BRSK1: variants seen among roughly 807,000 people sequenced by gnomAD.
BRSK1 encodes the protein BR serine/threonine kinase 1, also known as serine/threonine-protein kinase BRSK1.
A neutral mutation model predicts 86.2 loss-of-function variants in BRSK1; 17 were observed. That is an observed-to-expected ratio of 0.20 (90% CI 0.14 to 0.30). The LOEUF is 0.30. Ranked by LOEUF, BRSK1 falls within the 10% of genes least tolerant of loss-of-function variation. The pLI, the probability that BRSK1 is intolerant of heterozygous loss-of-function variation, is 1.00. For missense variants in BRSK1, 719 were observed against 1,071.9 expected, an observed-to-expected ratio of 0.67 and a Z score of 4.60; for synonymous variants, 464 against 440.1, an observed-to-expected ratio of 1.05 and a Z score of -0.68.
chr19:55,298,918 G>A (rs1056115782), intron 7 of BRSK1, among the ~76,000 whole-genome samples: 5 of 152,164 alleles, frequency 3.3e-5, no homozygotes, highest in Non-Finnish European at 7.3e-5. Context: ...TGAGTTCCGC[G>A]TCAATGACAC....
chr19:55,284,212 C>G lies in BRSK1; in HGVS notation c.-231C>G. On this transcript the variant is annotated 5_prime_UTR_variant, in exon 1 of 19. Transcript: ENST00000309383. ...TGGGGAGGGGGGGCCCCGCAGCCCC[C>G]CTGGGCCATGCTGACTCCCGGGGCC... The G allele has an allele frequency of 1.4e-6, 1 of 711,450 alleles. No homozygotes were observed. The highest frequency in any genetic ancestry group is 1.9e-6 in the Non-Finnish European group (1 of 515,370). The allele number at this position is 711,450 out of a possible 1,614,324, so 44.1% of individuals were successfully genotyped here. A position where few individuals can be genotyped will look rare whatever the true frequency, so the allele number is the denominator to read the frequency against.
chr19:55,294,447 G>A lies in BRSK1; in HGVS notation c.678+50G>A, dbSNP rs754836262. 39 of 1,594,108 alleles carry A rather than the reference G, an allele frequency of 2.4e-5. No individual in the cohort carries two copies. In the African/African-American group the frequency reaches 3.5e-4, roughly 14 times the overall value. On this transcript the variant is annotated intron_variant, in intron 7 of 18. Transcript: ENST00000309383. The surrounding 1 kb of genome is among the most constrained non-coding windows in gnomAD (Gnocchi z 4.9). Reference sequence around the variant, plus strand: ...CATTTCTAGATCAATCCCACCTGGTGGGAGCATAGGACAGTACCTTCCATC... The same window carrying A: ...CATTTCTAGATCAATCCCACCTGGTAGGAGCATAGGACAGTACCTTCCATC...
At position 55,306,374 on chromosome 19, in the gene BRSK1, G is replaced by A; in HGVS notation, c.2013G>A (p.Glu671=). Residue 671 remains glutamate, a synonymous_variant, in exon 17 of 19, where the codon GAG becomes GAA. Coordinates refer to ENST00000309383, the MANE Select transcript of BRSK1 (RefSeq NM_032430.2). This position sits in a 1 kb window ranked among gnomAD's most constrained non-coding sequence, Gnocchi z 4.7. ...VRFQVDISSS[E]GPEPSPRRDG... is the part of the protein sequence containing the mutation. ...TCCAGGTGGACATCAGCTCCTCTGA[G>A]GGTCCAGAGCCCTCCCCGCGACGGG... is the stretch of plus-strand genomic sequence containing the variant. 1 of 1,614,066 alleles carries A rather than the reference G, an allele frequency of 6.2e-7. No individual in the cohort carries two copies. The highest frequency in any genetic ancestry group is 8.5e-7 in the Non-Finnish European group (1 of 1,180,038).
chr19:55,310,618 G>A lies in BRSK1; in HGVS notation c.2180-1293G>A, dbSNP rs2088765080. On this transcript the variant is annotated intron_variant, in intron 18 of 18. Coordinates refer to ENST00000309383, the MANE Select transcript of BRSK1 (RefSeq NM_032430.2). This position sits in a 1 kb window ranked among gnomAD's most constrained non-coding sequence, Gnocchi z 5.0. ...CCTCAACTGGGGAAAACAGGGGGAT[G>A]CCAATGGCCTCTTGTAGGTGGAGGC... 6.6e-6 allele frequency among the ~76,000 whole-genome samples: 1 copy of A among 152,194 alleles called. No individual in the cohort carries two copies. The highest frequency in any genetic ancestry group is 1.5e-5 in the Non-Finnish European group (1 of 68,038).
Position 55,305,518 on chromosome 19 carries a change from A to C in BRSK1, c.1822A>C (p.Ile608Leu), listed in dbSNP as rs2088637068. Residue 608 changes from isoleucine (I) to leucine (L), a missense_variant, in exon 16 of 19, where the codon ATA (isoleucine) becomes CTA (leucine). This residue lies in a region of BRSK1 where 180 missense variants were observed against 259.4 expected (regional missense o/e 0.69). Coordinates refer to ENST00000309383, the MANE Select transcript of BRSK1 (RefSeq NM_032430.2). ...NFISLDKEEQ[I>L]FLVLKDKPLS... ...CATCTCCTTGGACAAAGAAGAACAA[A>C]TATTCCTCGTGCTAAAGGACAAACC... The C allele has an allele frequency of 3.7e-6, 6 of 1,614,046 alleles. No individual in the cohort carries two copies. Among genetic ancestry groups the C allele is most frequent in the Admixed American group, 1.7e-5 (1 of 59,998 alleles).
chr19:55,305,734 G>A, intron 16 of BRSK1, 148 bp downstream of exon 16: 1 of 1,273,346 alleles, frequency 7.9e-7, no homozygotes. Context: ...TTAGAAGTCG[G>A]TAGGCAGGAA....
chr19:55,298,209 C>CTTTTTTTTTTTTTTT (rs71181751), intron 7 of BRSK1, among the ~76,000 whole-genome samples: 6 of 69,638 alleles, frequency 8.6e-5, no homozygotes, highest in Non-Finnish European at 1.6e-4. Flanking sequence ...TTTGTTTCTT[C>CTTTTTTTTTTTTTTT]TTTTTTTTTT....
chr19:55,305,335 G>C lies in BRSK1; in HGVS notation c.1732G>C (p.Glu578Gln). The C allele has an allele frequency of 6.2e-7, 1 of 1,614,148 alleles. No homozygotes were observed. Among genetic ancestry groups the C allele is most frequent in the Non-Finnish European group, 8.5e-7 (1 of 1,180,028 alleles). ...CCCCCTACCAGTCCCTACCGCTGAG[G>C]AGATGTCCAGCTTGACGCCAGAGTC... The part of the protein sequence containing the change: ...RRKMQVPTAE[E>Q]MSSLTPESSP... Residue 578 changes from glutamate to glutamine, a missense_variant, in exon 15 of 19, where the codon GAG (glutamate) becomes CAG (glutamine). Coordinates refer to ENST00000309383, the MANE Select transcript of BRSK1 (RefSeq NM_032430.2).
rs913072325 is a variant in BRSK1, at chr19:55,302,237, G to A, written c.857+69G>A. ...GGGGAGGGGCCAAAGCAGTAGAAGC[G>A]GCTGGGAGGGGTGGGATGCCAGGGT... On this transcript the variant is annotated intron_variant, in intron 9 of 18. Coordinates refer to ENST00000309383, the MANE Select transcript of BRSK1 (RefSeq NM_032430.2). This position sits in a 1 kb window ranked among gnomAD's most constrained non-coding sequence, Gnocchi z 6.3. 2.0e-4 allele frequency: 313 copies of A among 1,580,602 alleles called. 1 individual carries two copies. The highest frequency in any genetic ancestry group is 2.6e-4 in the Non-Finnish European group (302 of 1,149,868).
rs1193196805 is a variant in BRSK1 at position 55,294,815 on chromosome 19, A to AT, written c.678+422dup. Among the ~76,000 whole-genome samples the AT allele has an allele frequency of 1.3e-5, 2 of 151,096 alleles. No homozygotes were observed. The highest frequency in any genetic ancestry group is 2.4e-5 in the African/African-American group (1 of 41,012). Reference sequence around the variant, plus strand: ...CTGAACCCGGCCTATTTATTTATGTATTTTGAGACAGAGTCTTGCTCTGTT... The same window carrying AT: ...CTGAACCCGGCCTATTTATTTATGTATTTTTGAGACAGAGTCTTGCTCTGTT... On this transcript the variant is annotated intron_variant, in intron 7 of 18. Coordinates refer to ENST00000309383, the MANE Select transcript of BRSK1 (RefSeq NM_032430.2). The surrounding 1 kb of genome is among the most constrained non-coding windows in gnomAD (Gnocchi z 4.9).
rs2088602649 is a variant in BRSK1 at position 55,303,484 on chromosome 19, C to T, written c.1126+76C>T. On this transcript the variant is annotated intron_variant, in intron 11 of 18. Coordinates refer to ENST00000309383, the MANE Select transcript of BRSK1 (RefSeq NM_032430.2). This position sits in a 1 kb window ranked among gnomAD's most constrained non-coding sequence, Gnocchi z 5.1. ...AGGCTGGCCACGGGGACCCCAGATT[C>T]CCAAGGAAAGAAGGGGCTGCAGGCT... is the stretch of plus-strand genomic sequence containing the variant. 1 of 1,529,948 alleles carries T rather than the reference C, an allele frequency of 6.5e-7. No individual in the cohort carries two copies. Among genetic ancestry groups the T allele is most frequent in the South Asian group, 1.1e-5 (1 of 88,994 alleles). 94.8% of individuals were successfully genotyped at this position (1,529,948 alleles called of 1,614,324 possible). A position where few individuals can be genotyped will look rare whatever the true frequency, so the allele number is the denominator to read the frequency against.
Position 55,302,127 on chromosome 19 carries a change from AC to A in BRSK1, c.826-7del. 1 of 1,613,702 alleles carries A rather than the reference AC, an allele frequency of 6.2e-7. No individual in the cohort carries two copies. ...CACTTCTGCTTCTCTACGACTCACC[AC>A]CCTCACAGCTGGAGCAAATTCAGAA... is the stretch of plus-strand genomic sequence containing the variant. On this transcript the variant is annotated splice_polypyrimidine_tract_variant and intron_variant, in intron 8 of 18. Transcript: ENST00000309383. This position sits in a 1 kb window ranked among gnomAD's most constrained non-coding sequence, Gnocchi z 6.3.
In BRSK1 at chr19:55,306,918, T is replaced by C. The variant is rs1340137034; in HGVS notation, c.2089+468T>C. ...AGCACACTGCTGTCTAATATCAGTC[T>C]GCCCAGAGCAGACATTACCAATTGA... On this transcript the variant is annotated intron_variant, in intron 17 of 18. Transcript: ENST00000309383. This position sits in a 1 kb window ranked among gnomAD's most constrained non-coding sequence, Gnocchi z 4.7. Among the ~76,000 whole-genome samples the C allele has an allele frequency of 2.0e-5, 3 of 152,204 alleles. No individual in the cohort carries two copies. Among genetic ancestry groups the C allele is most frequent in the Non-Finnish European group, 2.9e-5 (2 of 68,044 alleles).
chr19:55,295,399 A>G (rs917406136), intron 7 of BRSK1, among the ~76,000 whole-genome samples: 2 of 152,190 alleles, frequency 1.3e-5, no homozygotes, highest in South Asian at 4.1e-4. Flanking sequence ...TTGGGATTAC[A>G]TGCGTGAGGC....
In BRSK1 at chr19:55,287,335, T is replaced by C. The variant is rs1369941783; in HGVS notation, c.317+36T>C. ...ATAGACACCCAGCCCTACCCCATCC[T>C]CCCTCTCCAGGTTACCAGGGTGGGA... On this transcript the variant is annotated intron_variant, in intron 3 of 18. Coordinates refer to ENST00000309383, the MANE Select transcript of BRSK1 (RefSeq NM_032430.2). The surrounding 1 kb of genome is among the most constrained non-coding windows in gnomAD (Gnocchi z 5.3). The C allele has an allele frequency of 1.3e-6, 2 of 1,598,448 alleles. No homozygotes were observed. The highest frequency in any genetic ancestry group is 2.7e-5 in the African/African-American group (2 of 74,574).
rs916229032 is a variant in BRSK1, at chr19:55,284,290, G to C, written c.-153G>C. On this transcript the variant is annotated 5_prime_UTR_variant, in exon 1 of 19. Transcript: ENST00000309383. Reference sequence around the variant, plus strand: ...CCCAGCTCCGCGGCCCGCCGACTGGGGGGGGCCAGCCCAGCCCCCTGGGGA... The same window carrying C: ...CCCAGCTCCGCGGCCCGCCGACTGGCGGGGGCCAGCCCAGCCCCCTGGGGA... 3.2e-6 allele frequency: 2 copies of C among 616,294 alleles called. No homozygotes were observed. The highest frequency in any genetic ancestry group is 4.7e-6 in the Non-Finnish European group (2 of 429,292). 38.2% of individuals were successfully genotyped at this position (616,294 alleles called of 1,614,324 possible). A position where few individuals can be genotyped will look rare whatever the true frequency, so the allele number is the denominator to read the frequency against.
chr19:55,298,988 C>T (rs962072849), intron 7 of BRSK1, among the ~76,000 whole-genome samples: 1 of 152,118 alleles, frequency 6.6e-6, no homozygotes, highest in African/African-American at 2.4e-5. Context: ...AATCCCAGCA[C>T]TTTAGGAGGC....
chr19:55,293,332 A>G (rs1209567227), intron 4 of BRSK1, among the ~76,000 whole-genome samples: 3 of 152,018 alleles, frequency 2.0e-5, no homozygotes, highest in Non-Finnish European at 4.4e-5. Flanking sequence ...CTTCGTCTCA[A>G]AAAAAATAAA....
At position 55,298,209 on chromosome 19, in the gene BRSK1, C is replaced by CTTTTTTTTTTTTTTTTTT. The variant is rs71181751; in HGVS notation, c.679-3294_679-3277dup. Among the ~76,000 whole-genome samples the CTTTTTTTTTTTTTTTTTT allele has an allele frequency of 1.6e-3, 112 of 69,644 alleles. 1 individual carries two copies. Among genetic ancestry groups the CTTTTTTTTTTTTTTTTTT allele is most frequent in the East Asian group, 2.3e-3 (5 of 2,134 alleles). 45.7% of individuals were successfully genotyped at this position (69,644 alleles called of 152,430 possible). A position where few individuals can be genotyped will look rare whatever the true frequency, so the allele number is the denominator to read the frequency against. On this transcript the variant is annotated intron_variant, in intron 7 of 18. Coordinates refer to ENST00000309383, the MANE Select transcript of BRSK1 (RefSeq NM_032430.2). ...GTTTATTCTTTTTTTTTTGTTTCTT[C>CTTTTTTTTTTTTTTTTTT]TTTTTTTTTTTTTTTTTTTTTTTTT... is the stretch of plus-strand genomic sequence containing the variant.
Sources: gnomAD v4.1 joint callset for allele counts (sites outside exome capture counted in the v4.1 genomes callset) on GRCh38, gnomAD v4.1.1 for gene constraint, gnomAD v4.1.1 regional missense constraint, Gnocchi (gnomAD v3.1) non-coding constraint, MANE v1.5 for transcripts, NCBI Gene and HGNC (gene_info 2026-07-23, HGNC 2026-07-21) for gene names.